SPCS2: variants seen among roughly 807,000 people sequenced by gnomAD.
SPCS2 encodes signal peptidase complex subunit 2.
SPCS2 carries 3 observed loss-of-function variants against 22.3 expected under a neutral mutation model. The observed-to-expected ratio is 0.13, with a 90% CI of 0.06 to 0.35. SPCS2 has a LOEUF of 0.35. Among genes scored for constraint, SPCS2 ranks in the 10% least tolerant of loss-of-function variants. SPCS2 has a pLI of 1.00. For missense variants in SPCS2, 169 were observed against 280.9 expected, an observed-to-expected ratio of 0.60 and a Z score of 2.85; for synonymous variants, 67 against 97.2, an observed-to-expected ratio of 0.69 and a Z score of 1.83.
intron 3 of SPCS2, among the ~76,000 whole-genome samples, chr11:74,967,720 C>G (rs529545702): frequency 6.6e-6 from 1 of 152,156 alleles, no homozygotes; most frequent in Non-Finnish European, 1.5e-5. Context: ...TGCACTCCAG[C>G]CTGGGCGATA....
intron 1 of SPCS2, 79 bp downstream of exon 1, chr11:74,949,478 C>G (rs1591728374): frequency 7.8e-7 from 1 of 1,275,624 alleles, no homozygotes; most frequent in East Asian, 2.5e-5. Context: ...ATCCCGGTCT[C>G]CCTTATTTTC....
intron 4 of SPCS2, among the ~76,000 whole-genome samples, chr11:74,975,958 T>C (rs1003374987): frequency 1.3e-5 from 2 of 152,194 alleles, no homozygotes; most frequent in Non-Finnish European, 2.9e-5. Context: ...CCCTCTTGAA[T>C]GAATGGACAT....
chr11:74,965,721 G>A, intron 2 of SPCS2, 42 bp from the exon 3 acceptor site: 1 of 1,510,072 alleles, frequency 6.6e-7, no homozygotes, highest in African/African-American at 1.4e-5. Flanking sequence ...ATACTGGGGA[G>A]GAAGTATTCC....
At chr11:74,965,307 T>C (rs1008170846) in intron 2 of SPCS2, 190 bp downstream of exon 2, 1 of 475,016 alleles carries the variant, frequency 2.1e-6, no homozygotes, top group South Asian at 3.4e-5. Flanking sequence ...ACATGGCACA[T>C]GTATACATAT....
At chr11:74,972,984 C>A (rs967560601) in intron 4 of SPCS2, among the ~76,000 whole-genome samples, 1 of 151,802 alleles carries the variant, frequency 6.6e-6, no homozygotes. Flanking sequence ...AACCAAACAT[C>A]GCATATTCTC....
chr11:74,961,504 A>C (rs768314260), intron 1 of SPCS2, among the ~76,000 whole-genome samples: 12 of 151,926 alleles, frequency 7.9e-5, no homozygotes, highest in Non-Finnish European at 1.3e-4. Context: ...GTCTAAATCC[A>C]GTCAGCTTGT....
intron 1 of SPCS2, among the ~76,000 whole-genome samples, chr11:74,962,922 G>T (rs1355567330): frequency 6.6e-6 from 1 of 152,158 alleles, no homozygotes; most frequent in African/African-American, 2.4e-5. Context: ...TCCCAAATTG[G>T]TTAAGACATT....
intron 1 of SPCS2, among the ~76,000 whole-genome samples, chr11:74,950,243 G>T (rs1422766549): frequency 6.6e-6 from 1 of 152,094 alleles, no homozygotes; most frequent in African/African-American, 2.4e-5. Flanking sequence ...AAATATGCTT[G>T]CTCTCTCTAT....
chr11:74,976,708 T>C, intron 4 of SPCS2, 149 bp from the exon 5 acceptor site: 1 of 944,216 alleles, frequency 1.1e-6, no homozygotes, highest in Non-Finnish European at 1.6e-6. Context: ...TGGGGTTTTG[T>C]TTTTGCTTTT....
intron 1 of SPCS2, among the ~76,000 whole-genome samples, 160 bp from the exon 2 acceptor site, chr11:74,964,874 G>A (rs1948534435): frequency 6.6e-6 from 1 of 152,198 alleles, no homozygotes; most frequent in South Asian, 2.1e-4. Flanking sequence ...CCCCATAGGA[G>A]TGTGCCCAGA....
At chr11:74,953,997 A>C (rs1948461851) in intron 1 of SPCS2, among the ~76,000 whole-genome samples, 1 of 152,214 alleles carries the variant, frequency 6.6e-6, no homozygotes, top group South Asian at 2.1e-4. Flanking sequence ...TCCTTTGAGA[A>C]TTAGTTAAAA....
At chr11:74,974,029 C>T (rs1190263227) in intron 4 of SPCS2, among the ~76,000 whole-genome samples, 1 of 152,030 alleles carries the variant, frequency 6.6e-6, no homozygotes, top group Non-Finnish European at 1.5e-5. Flanking sequence ...TCTTCTTGTG[C>T]TATCACCTGG....
At chr11:74,956,687 A>G (rs1238267564) in intron 1 of SPCS2, among the ~76,000 whole-genome samples, 2 of 151,586 alleles carry the variant, frequency 1.3e-5, no homozygotes, top group Non-Finnish European at 2.9e-5. Context: ...TAGATCACTC[A>G]CTCTCTTGCT....
At chr11:74,964,077 T>C (rs1446530296) in intron 1 of SPCS2, among the ~76,000 whole-genome samples, 2 of 152,228 alleles carry the variant, frequency 1.3e-5, no homozygotes, top group Non-Finnish European at 2.9e-5. Flanking sequence ...CCTGATAAGA[T>C]ATCTGGATGT....
intron 4 of SPCS2, among the ~76,000 whole-genome samples, chr11:74,976,481 A>C (rs1948614624): frequency 6.6e-6 from 1 of 152,210 alleles, no homozygotes; most frequent in Non-Finnish European, 1.5e-5. Flanking sequence ...GCCCAAGTAT[A>C]GTGTTAACAA....
At chr11:74,969,915 G>A (rs545589648) in intron 4 of SPCS2, among the ~76,000 whole-genome samples, 1 of 152,294 alleles carries the variant, frequency 6.6e-6, no homozygotes, top group East Asian at 1.9e-4. Context: ...ATAAACTGTG[G>A]GAGAAGGTAC....
intron 4 of SPCS2, among the ~76,000 whole-genome samples, chr11:74,971,632 T>TGA (rs1265443227): frequency 6.6e-6 from 1 of 152,212 alleles, no homozygotes; most frequent in African/African-American, 2.4e-5. Context: ...TGGCTGATTC[T>TGA]GATGTCTTAT....
At chr11:74,961,368 C>T (rs894015099) in intron 1 of SPCS2, among the ~76,000 whole-genome samples, 1 of 152,172 alleles carries the variant, frequency 6.6e-6, no homozygotes, top group African/African-American at 2.4e-5. Flanking sequence ...TGCCCAGTGC[C>T]TTCCAGTATT....
At chr11:74,969,540 A>G in intron 3 of SPCS2, 25 bp from the exon 4 acceptor site, 1 of 1,607,740 alleles carries the variant, frequency 6.2e-7, no homozygotes, top group Non-Finnish European at 8.5e-7. Context: ...ATGTTTGGGT[A>G]TTTTCCCCTT....
Sources: allele counts gnomAD v4.1 joint callset (sites outside exome capture counted in the v4.1 genomes callset), GRCh38; gene constraint gnomAD v4.1.1; transcripts MANE v1.5; gene names NCBI Gene and HGNC (gene_info 2026-07-23, HGNC 2026-07-21).